Variants in ROBO1 observed in about 807,000 individuals in gnomAD.
The protein encoded by ROBO1 is roundabout homolog 1.
Under a neutral mutation model 195.9 loss-of-function variants are expected in ROBO1, and 149 were observed. The ratio of observed to expected loss-of-function variants is 0.76; its 90% confidence interval spans 0.67 to 0.87. ROBO1 has a LOEUF of 0.87. Ranked by LOEUF, ROBO1 falls within the 40% of genes least tolerant of loss-of-function variation. ROBO1 has a pLI of 0.00. For missense variants in ROBO1, 1,933 were observed against 2,068.3 expected (o/e 0.93, Z 1.27); for synonymous variants, 816 against 733.2 (o/e 1.11, Z -1.82).
chr3:78,633,651 C>G (rs143714180), intron 24 of ROBO1, among the ~76,000 whole-genome samples: 2 of 152,282 alleles, frequency 1.3e-5, no homozygotes, highest in African/African-American at 2.4e-5. Context: ...GAAAAAGTTT[C>G]AACTGCCTTT....
intron 4 of ROBO1, chr3:78,937,896 AG>A (rs1172998646): frequency 6.6e-6 from 1 of 152,154 alleles, no homozygotes; most frequent in Non-Finnish European, 1.5e-5. Context: ...TGCCAGTTGA[AG>A]GTATTTTTCT....
intron 3 of ROBO1, among the ~76,000 whole-genome samples, chr3:79,020,692 TTAAATAAA>T (rs552434359): frequency 1.3e-5 from 2 of 152,064 alleles, no homozygotes; most frequent in South Asian, 2.1e-4. Context: ...AGACTCCGTC[TTAAATAAA>T]TAAATAAATA....
chr3:78,623,044 T>A (rs989567919), intron 26 of ROBO1, among the ~76,000 whole-genome samples: 8 of 152,194 alleles, frequency 5.3e-5, no homozygotes, highest in Admixed American at 1.3e-4. Context: ...TTACTTTAGG[T>A]CACTACATTT....
At chr3:78,813,987 A>G (rs1251425527) in intron 4 of ROBO1, among the ~76,000 whole-genome samples, 1 of 151,968 alleles carries the variant, frequency 6.6e-6, no homozygotes, top group Non-Finnish European at 1.5e-5. Flanking sequence ...TCCTAGTCTC[A>G]TTAGCTTACC....
At chr3:79,170,035 A>C (rs1409069517) in intron 2 of ROBO1, among the ~76,000 whole-genome samples, 1 of 152,154 alleles carries the variant, frequency 6.6e-6, no homozygotes, top group Non-Finnish European at 1.5e-5. Context: ...AGCGAGAGAG[A>C]GAAAACACAC....
chr3:79,140,624 G>T (rs1038597376), intron 2 of ROBO1, among the ~76,000 whole-genome samples: 1 of 151,992 alleles, frequency 6.6e-6, no homozygotes, highest in Non-Finnish European at 1.5e-5. Context: ...AATTTAAATG[G>T]ATCATCTATA....
At chr3:78,680,832 G>T (rs2080883722) in intron 10 of ROBO1, among the ~76,000 whole-genome samples, 2 of 148,914 alleles carry the variant, frequency 1.3e-5, no homozygotes, top group Non-Finnish European at 3.0e-5. Context: ...CCCATTACTG[G>T]GTATATAACC....
At chr3:78,722,820 T>G (rs1175243034) in intron 5 of ROBO1, among the ~76,000 whole-genome samples, 1 of 152,154 alleles carries the variant, frequency 6.6e-6, no homozygotes, top group Non-Finnish European at 1.5e-5. Flanking sequence ...TATTAGTTCC[T>G]CTGTATCTCT....
intron 8 of ROBO1, among the ~76,000 whole-genome samples, chr3:78,692,002 C>T (rs1009290333): frequency 4.6e-5 from 7 of 151,364 alleles, no homozygotes; most frequent in Non-Finnish European, 1.0e-4. Flanking sequence ...TCTATTTAGG[C>T]ATTTTTGTTG....
intron 2 of ROBO1, among the ~76,000 whole-genome samples, chr3:79,281,221 C>T (rs1363295633): frequency 6.6e-6 from 1 of 152,026 alleles, no homozygotes; most frequent in African/African-American, 2.4e-5. Flanking sequence ...TTCAGAAAAT[C>T]CACTTAAAGC....
At chr3:79,461,890 A>G (rs1041181230) in intron 2 of ROBO1, among the ~76,000 whole-genome samples, 1 of 152,194 alleles carries the variant, frequency 6.6e-6, no homozygotes. Flanking sequence ...TGTCAAAAAA[A>G]GGTTGTGTAA....
At chr3:79,093,985 G>A (rs535984848) in intron 3 of ROBO1, among the ~76,000 whole-genome samples, 1 of 152,200 alleles carries the variant, frequency 6.6e-6, no homozygotes, top group South Asian at 2.1e-4. Flanking sequence ...GTAAATGAAA[G>A]AGAGATGGGT....
chr3:78,840,351 A>G (rs2033095551), intron 4 of ROBO1, among the ~76,000 whole-genome samples: 1 of 152,328 alleles, frequency 6.6e-6, no homozygotes, highest in East Asian at 1.9e-4. Context: ...ACCCTCTATC[A>G]AATTATCTGA....
intron 4 of ROBO1, among the ~76,000 whole-genome samples, chr3:78,834,795 G>A (rs562223681): frequency 6.6e-6 from 1 of 151,886 alleles, no homozygotes; most frequent in Non-Finnish European, 1.5e-5. Context: ...TTTTAAAGCA[G>A]GTCTAAAAAT....
intron 4 of ROBO1, among the ~76,000 whole-genome samples, chr3:78,853,691 A>C (rs1235088147): frequency 6.6e-6 from 1 of 152,062 alleles, no homozygotes; most frequent in Non-Finnish European, 1.5e-5. Flanking sequence ...ACGCTGTATT[A>C]GTCCATTTTC....
rs76630143 is a variant in ROBO1 at position 79,206,561 on chromosome 3, A to C, written c.89-81022T>G. Among the ~76,000 whole-genome samples, 307 of 152,292 alleles carry C rather than the reference A, an allele frequency of 2.0e-3. 1 individual carries two copies. Among genetic ancestry groups the C allele is most frequent in the African/African-American group, 7.0e-3 (289 of 41,574 alleles). On this transcript the variant is annotated intron_variant, in intron 2 of 30. Transcript: ENST00000464233. The stretch of plus-strand genomic sequence containing the variant: ...GTACAATCTGTAGTTTCAGGCATCT[A>C]CTGGGGGTCTTGAAACATATCCCCT...
intron 2 of ROBO1, among the ~76,000 whole-genome samples, chr3:79,361,784 T>G (rs1011329404): frequency 6.6e-6 from 1 of 152,114 alleles, no homozygotes; most frequent in Non-Finnish European, 1.5e-5. Flanking sequence ...AGTATTGTAT[T>G]TACCTTACTT....
intron 23 of ROBO1, chr3:78,634,509 GT>G: frequency 2.8e-6 from 1 of 360,392 alleles, no homozygotes; most frequent in Non-Finnish European, 5.9e-6. Flanking sequence ...TGCATTCCAG[GT>G]TCTTTATTAT....
intron 2 of ROBO1, among the ~76,000 whole-genome samples, chr3:79,454,932 G>A (rs2039567558): frequency 6.6e-6 from 1 of 152,130 alleles, no homozygotes; most frequent in Admixed American, 6.6e-5. Context: ...TTAGCTGGCT[G>A]AATAGATGCC....
Sources: gnomAD v4.1 joint callset for allele counts (sites outside exome capture counted in the v4.1 genomes callset) on GRCh38, gnomAD v4.1.1 for gene constraint, MANE v1.5 for transcripts, NCBI Gene and HGNC (gene_info 2026-07-23, HGNC 2026-07-21) for gene names.